Variants in PLEKHA4 observed in about 807,000 individuals in gnomAD.
PLEKHA4 encodes the protein pleckstrin homology domain containing A4, also known as pleckstrin homology domain-containing family A member 4.
A neutral mutation model predicts 94.7 loss-of-function variants in PLEKHA4; 73 were observed. The observed-to-expected ratio is 0.77, with a 90% CI of 0.64 to 0.94. The LOEUF is 0.94. PLEKHA4 is among the 40% of genes least tolerant of loss of function. PLEKHA4 has a pLI of 0.00. For synonymous variants in PLEKHA4, 449 were observed against 437.1 expected, an observed-to-expected ratio of 1.03 and a Z score of -0.34; for missense variants, 1,049 against 1,054.1, an observed-to-expected ratio of 1.00 and a Z score of 0.07.
intron 16 of PLEKHA4, among the ~76,000 whole-genome samples, chr19:48,842,574 C>A (rs762790752): frequency 6.6e-6 from 1 of 152,192 alleles, no homozygotes; most frequent in Non-Finnish European, 1.5e-5. Context: ...TTTAGCTATG[C>A]AGTCTGCCTG....
chr19:48,855,945 GGC>G (rs2036389313), intron 9 of PLEKHA4, among the ~76,000 whole-genome samples: 1 of 151,958 alleles, frequency 6.6e-6, no homozygotes, highest in African/African-American at 2.4e-5. Context: ...GGCCGAGGCA[GGC>G]AGATCACCTG....
chr19:48,853,547 A>C, intron 12 of PLEKHA4, 135 bp downstream of exon 12: 1 of 989,420 alleles, frequency 1.0e-6, no homozygotes, highest in Non-Finnish European at 1.4e-6. Flanking sequence ...GAGGAGAGAG[A>C]AAAAATAATA....
At chr19:48,851,702 C>T (rs527426257) in intron 13 of PLEKHA4, among the ~76,000 whole-genome samples, 1 of 152,080 alleles carries the variant, frequency 6.6e-6, no homozygotes, top group Admixed American at 6.6e-5. Context: ...TGCTTGCAAT[C>T]CCAGCACTTT....
In PLEKHA4 at chr19:48,837,365, C is replaced by G; in HGVS notation, c.2264G>C (p.Gly755Ala). ...PTPWGPAWDA[G>A]IAPPVLPQDE... ...TTGTGGCAGGACCGGAGGGGCGATC[C>G]CGGCATCCCACGCGGGCCCCCAGGG... Residue 755 changes from glycine to alanine, a missense_variant, in exon 20 of 20, where the codon GGG (glycine) becomes GCG (alanine). Physicochemically the swap from Gly to Ala is moderately conservative, Grantham distance 60. Coordinates refer to ENST00000263265, the MANE Select transcript of PLEKHA4 (RefSeq NM_020904.3). The surrounding 1 kb of genome is among the most constrained non-coding windows in gnomAD (Gnocchi z 4.3). 6.2e-7 allele frequency: 1 copy of G among 1,613,768 alleles called. No homozygotes were observed. The highest frequency in any genetic ancestry group is 8.5e-7 in the Non-Finnish European group (1 of 1,180,006).
rs1433084593 is a variant in PLEKHA4, at chr19:48,860,137, C to T, written c.476+213G>A. Reference sequence around the variant, plus strand: ...CGTGACTGAAGGGTCAGCTTGGGGGCGGGGACGGACAAGGTGGTGGGCGGA... The same window carrying T: ...CGTGACTGAAGGGTCAGCTTGGGGGTGGGGACGGACAAGGTGGTGGGCGGA... On this transcript the variant is annotated intron_variant, in intron 6 of 19. Coordinates refer to ENST00000263265, the MANE Select transcript of PLEKHA4 (RefSeq NM_020904.3). 1.7e-5 allele frequency: 10 copies of T among 587,374 alleles called. No homozygotes were observed. The East Asian group carries it at 2.5e-4, about 15-fold the overall frequency. 36.4% of individuals were successfully genotyped at this position (587,374 alleles called of 1,614,324 possible). A position where few individuals can be genotyped will look rare whatever the true frequency, so the allele number is the denominator to read the frequency against.
At chr19:48,866,577 G>T (rs577024943) in intron 2 of PLEKHA4, among the ~76,000 whole-genome samples, 1 of 152,338 alleles carries the variant, frequency 6.6e-6, no homozygotes, top group South Asian at 2.1e-4. Flanking sequence ...AAAGTGCTGG[G>T]ATTATAGGCG....
chr19:48,843,601 C>T (rs1257021993), intron 16 of PLEKHA4, among the ~76,000 whole-genome samples: 1 of 152,088 alleles, frequency 6.6e-6, no homozygotes. Flanking sequence ...ACGTCTCAAC[C>T]TCCCAAGCAG....
intron 3 of PLEKHA4, among the ~76,000 whole-genome samples, chr19:48,865,044 A>G (rs1403337602): frequency 1.3e-5 from 2 of 152,170 alleles, no homozygotes; most frequent in South Asian, 2.1e-4. Context: ...GAAGTAGTCA[A>G]GAAAGAATGA....
Position 48,837,295 on chromosome 19 carries a change from G to A in PLEKHA4, c.2334C>T (p.Ser778=), listed in dbSNP as rs773543165. The A allele has an allele frequency of 1.2e-6, 2 of 1,614,024 alleles. No homozygotes were observed. The highest frequency in any genetic ancestry group is 2.2e-5 in the South Asian group (2 of 91,088). The stretch of plus-strand genomic sequence containing the variant: ...GCTGCCGCTTTTGGGCGGATTAGAA[G>A]CTGGATTGTAGCAGAGTGACTCGCA... ...WPLRVTLLQS[S]F is the part of the protein sequence containing the mutation. Residue 778 remains serine, a synonymous_variant, in exon 20 of 20, where the codon AGC becomes AGT. Transcript: ENST00000263265. The surrounding 1 kb of genome is among the most constrained non-coding windows in gnomAD (Gnocchi z 4.3).
chr19:48,846,621 C>T (rs752233866), intron 14 of PLEKHA4, among the ~76,000 whole-genome samples: 24 of 149,000 alleles, frequency 1.6e-4, no homozygotes, highest in Non-Finnish European at 2.4e-4. Context: ...TTAAAGAATT[C>T]GCCGGGCATG....
At chr19:48,866,071 A>C (rs2036825452) in intron 2 of PLEKHA4, among the ~76,000 whole-genome samples, 1 of 151,234 alleles carries the variant, frequency 6.6e-6, no homozygotes, top group African/African-American at 2.4e-5. Context: ...GAAGTTGGAG[A>C]TCAGAATTGG....
At chr19:48,841,029 C>T (rs765022047) in intron 17 of PLEKHA4, 120 bp downstream of exon 17, 45 of 1,047,560 alleles carry the variant, frequency 4.3e-5, no homozygotes, top group Admixed American at 2.3e-4. Context: ...GGGGTAAATT[C>T]GGAAATCCAG....
chr19:48,861,812 G>T, intron 3 of PLEKHA4, 120 bp from the exon 4 acceptor site: 1 of 914,050 alleles, frequency 1.1e-6, no homozygotes, highest in Non-Finnish European at 1.7e-6. Context: ...GGAGAACAGA[G>T]ACATAAAGTA....
intron 16 of PLEKHA4, 34 bp downstream of exon 16, chr19:48,845,336 G>T (rs1160023011): frequency 1.3e-6 from 2 of 1,597,300 alleles, no homozygotes; most frequent in Non-Finnish European, 1.7e-6. Flanking sequence ...CTGATGGTCA[G>T]ATGCAAGGAT....
chr19:48,859,096 G>A lies in PLEKHA4; in HGVS notation c.736C>T (p.Pro246Ser). The A allele has an allele frequency of 6.7e-7, 1 of 1,495,374 alleles. No individual in the cohort carries two copies. The highest frequency in any genetic ancestry group is 1.2e-5 in the South Asian group (1 of 80,070). 92.6% of individuals were successfully genotyped at this position (1,495,374 alleles called of 1,614,324 possible). ...LSRPPSPLSL[P>S]RPRSAPARRP... ...CGCGCAGGGGCAGAACGGGGACGGG[G>A]GAGGCTCAGAGGCGAGGGAGGGCGA... The change falls in exon 8 of 20, where the codon CCC becomes TCC. Residue 246 changes from proline (P) to serine (S), a missense_variant. By Grantham distance (74) the Pro-to-Ser change is moderately conservative (BLOSUM62 -1). Transcript: ENST00000263265.
chr19:48,852,405 A>T (rs1402196859), intron 12 of PLEKHA4, 79 bp from the exon 13 acceptor site: 3 of 1,138,490 alleles, frequency 2.6e-6, no homozygotes, highest in Admixed American at 3.6e-5. Context: ...TTTGTCAGCT[A>T]AGGAGGAGAT....
At position 48,853,711 on chromosome 19, in the gene PLEKHA4, C is replaced by T; in HGVS notation, c.1297G>A (p.Val433Met). The change falls in exon 12 of 20, where the codon GTG (valine) becomes ATG (methionine). Residue 433 changes from valine (V) to methionine (M), a missense_variant. By Grantham distance (21) the Val-to-Met change is conservative. Transcript: ENST00000263265. ...GTCAAGTGACAGAGGGTGGCCCTCACACTGACCAGCCGGTCCTGCAAGAGG... is the reference window on the plus strand; with the variant it reads ...GTCAAGTGACAGAGGGTGGCCCTCATACTGACCAGCCGGTCCTGCAAGAGG... ...QRLLQDRLVS[V>M]RATLCHLTQE... The T allele has an allele frequency of 9.4e-6, 15 of 1,601,082 alleles. No individual in the cohort carries two copies. The highest frequency in any genetic ancestry group is 1.3e-5 in the Non-Finnish European group (15 of 1,175,468).
chr19:48,852,812 A>G (rs1467031302), intron 12 of PLEKHA4, among the ~76,000 whole-genome samples: 1 of 152,094 alleles, frequency 6.6e-6, no homozygotes, highest in Non-Finnish European at 1.5e-5. Context: ...GAGGGCCTGT[A>G]ATCCCAGGTA....
At chr19:48,842,988 T>C (rs1268263508) in intron 16 of PLEKHA4, among the ~76,000 whole-genome samples, 3 of 152,072 alleles carry the variant, frequency 2.0e-5, no homozygotes, top group Non-Finnish European at 2.9e-5. Context: ...AACCACCCGG[T>C]TGGGGTGAGG....
Sources: gnomAD v4.1 joint callset for allele counts (sites outside exome capture counted in the v4.1 genomes callset) on GRCh38, gnomAD v4.1.1 for gene constraint, Gnocchi (gnomAD v3.1) non-coding constraint, MANE v1.5 for transcripts, NCBI Gene and HGNC (gene_info 2026-07-23, HGNC 2026-07-21) for gene names.